Variants in EPG5 observed in about 807,000 individuals in gnomAD.
The protein encoded by EPG5 is ectopic P granules protein 5 homolog.
EPG5 carries 159 observed loss-of-function variants against 302.7 expected under a neutral mutation model. The observed-to-expected ratio is 0.53, with a 90% CI of 0.46 to 0.60. The LOEUF is 0.60. Ranked by LOEUF, EPG5 falls within the 20% of genes least tolerant of loss-of-function variation. EPG5 has a pLI of 0.00. For missense variants in EPG5, 2,896 were observed against 3,092.4 expected, an observed-to-expected ratio of 0.94 and a Z score of 1.51; for synonymous variants, 1,158 against 1,136.8, an observed-to-expected ratio of 1.02 and a Z score of -0.37.
intron 9 of EPG5, among the ~76,000 whole-genome samples, chr18:45,942,330 C>T (rs917679580): frequency 1.2e-4 from 18 of 152,150 alleles, no homozygotes; most frequent in African/African-American, 4.1e-4. Context: ...AGGCCAGGCA[C>T]GGTGGCTCAC....
intron 36 of EPG5, 139 bp from the exon 37 acceptor site, chr18:45,867,887 G>A (rs1268707523): frequency 4.1e-6 from 3 of 728,574 alleles, no homozygotes; most frequent in Non-Finnish European, 7.2e-6. Flanking sequence ...CCACCTCCTA[G>A]AGATTTAGAC....
the EPG5 span, among the ~76,000 whole-genome samples, chr18:45,818,732 C>CTTT: frequency 0.39 from 43,292 of 111,168 alleles, 9,896 homozygotes; most frequent in East Asian, 0.52. Context: ...TTTTGCATAA[C>CTTT]TTTTTTTTTT....
In EPG5 at chr18:45,967,218, G is replaced by A; in HGVS notation, c.22C>T (p.Gln8Ter). 1 of 1,605,434 alleles carries A rather than the reference G, an allele frequency of 6.2e-7. No homozygotes were observed. The highest frequency in any genetic ancestry group is 8.5e-7 in the Non-Finnish European group (1 of 1,176,280). The change falls in exon 1 of 44, where the codon CAG (glutamine) becomes TAG (stop). Residue 8 changes from glutamine (Q) to a stop codon, truncating the protein, a stop_gained. Transcript: ENST00000282041. LOFTEE classifies it high-confidence loss of function. MAEAVKP[Q>*]RRAKAKASRT... ...CTGGCCTTGGCCTTGGCCCGGCGCT[G>A]GGGCTTCACCGCCTCGGCCATAGAC... is the stretch of plus-strand genomic sequence containing the variant.
At chr18:45,888,198 C>T (rs1435097794) in intron 28 of EPG5, among the ~76,000 whole-genome samples, 1 of 151,146 alleles carries the variant, frequency 6.6e-6, no homozygotes, top group Non-Finnish European at 1.5e-5. Context: ...CTTCGCCTCC[C>T]GAGTTCAAGT....
Position 45,848,440 on chromosome 18 carries a change from A to T in EPG5, c.*4027T>A, listed in dbSNP as rs530064807. 6.6e-6 allele frequency: 1 copy of T among 152,244 alleles called. No homozygotes were observed. The highest frequency in any genetic ancestry group is 2.4e-5 in the African/African-American group (1 of 41,464). 9.4% of individuals were successfully genotyped at this position (152,244 alleles called of 1,614,324 possible). On this transcript the variant is annotated 3_prime_UTR_variant, in exon 44 of 44. Transcript: ENST00000282041. ...CTGAGGTCTGCAGTCTCAACTTGCC[A>T]CTAGCTTAATGTGCCTCCCATGGGG...
At chr18:45,954,322 G>C in intron 2 of EPG5, 72 bp downstream of exon 2, 1 of 1,384,788 alleles carries the variant, frequency 7.2e-7, no homozygotes, top group Non-Finnish European at 9.9e-7. Flanking sequence ...GTAAGGCACA[G>C]ACTCCAGACC....
chr18:45,922,661 T>C (rs1313063298), intron 15 of EPG5, 61 bp from the exon 16 acceptor site: 1 of 1,564,628 alleles, frequency 6.4e-7, no homozygotes, highest in Non-Finnish European at 8.7e-7. Flanking sequence ...AGTAAGCTCA[T>C]ACACTCATCT....
chr18:45,862,458 C>T (rs2048656103), intron 39 of EPG5, among the ~76,000 whole-genome samples: 1 of 152,112 alleles, frequency 6.6e-6, no homozygotes, highest in South Asian at 2.1e-4. Flanking sequence ...CATGTTGAAC[C>T]GTAGTCCCCA....
At chr18:45,943,704 G>T (rs778841418) in intron 8 of EPG5, among the ~76,000 whole-genome samples, 1 of 152,064 alleles carries the variant, frequency 6.6e-6, no homozygotes, top group Non-Finnish European at 1.5e-5. Flanking sequence ...GGCGGATCAC[G>T]AAGTCAGGAG....
chr18:45,832,970 C>T, the EPG5 span, among the ~76,000 whole-genome samples: 1 of 152,136 alleles, frequency 6.6e-6, no homozygotes, highest in South Asian at 2.1e-4. Context: ...ACAGGAAGCA[C>T]AAATCTCTTC....
chr18:45,821,244 C>G, the EPG5 span, among the ~76,000 whole-genome samples: 1 of 152,178 alleles, frequency 6.6e-6, no homozygotes, highest in African/African-American at 2.4e-5. Flanking sequence ...TTCCTGTGCT[C>G]TCTGAAGCAC....
intron 36 of EPG5, 73 bp from the exon 37 acceptor site, chr18:45,867,821 T>TAA: frequency 7.4e-7 from 1 of 1,346,430 alleles, no homozygotes; most frequent in South Asian, 1.4e-5. Context: ...ATGTAAATTG[T>TAA]TTCATAATTA....
chr18:45,813,466 C>T, the EPG5 span, among the ~76,000 whole-genome samples: 77 of 152,236 alleles, frequency 5.1e-4, no homozygotes, highest in African/African-American at 1.6e-3. Context: ...CACATGCACA[C>T]GTATGTTTAT....
chr18:45,941,998 C>G (rs1401370550), intron 9 of EPG5, among the ~76,000 whole-genome samples: 2 of 152,070 alleles, frequency 1.3e-5, no homozygotes, highest in Non-Finnish European at 2.9e-5. Flanking sequence ...CCAAGGCAGG[C>G]AGATCACTTG....
intron 17 of EPG5, chr18:45,916,876 A>G: frequency 5.0e-6 from 1 of 200,662 alleles, no homozygotes; most frequent in South Asian, 1.1e-4. Flanking sequence ...TCACTCCCCA[A>G]CTCCATGAAT....
At chr18:45,885,129 A>G (rs1442720572) in intron 29 of EPG5, among the ~76,000 whole-genome samples, 1 of 152,186 alleles carries the variant, frequency 6.6e-6, no homozygotes, top group Non-Finnish European at 1.5e-5. Flanking sequence ...ACCTGAGGTC[A>G]GGAGCTCAAG....
At chr18:45,882,019 C>T (rs2049109235) in intron 31 of EPG5, among the ~76,000 whole-genome samples, 1 of 152,210 alleles carries the variant, frequency 6.6e-6, no homozygotes, top group South Asian at 2.1e-4. Flanking sequence ...ACCTGCATGA[C>T]TGTGGACTCC....
At chr18:45,947,634 C>T (rs962369099) in intron 6 of EPG5, among the ~76,000 whole-genome samples, 5 of 152,142 alleles carry the variant, frequency 3.3e-5, no homozygotes, top group Non-Finnish European at 7.3e-5. Flanking sequence ...TACCAGCTCC[C>T]GCACACACCT....
At chr18:45,842,775 C>T (rs192671097), downstream of EPG5, 4 of 154,278 alleles carry the variant, frequency 2.6e-5, no homozygotes, top group African/African-American at 9.6e-5. Context: ...AGGGGCATGA[C>T]AGAACCCTCT....
Sources: allele counts gnomAD v4.1 joint callset (sites outside exome capture counted in the v4.1 genomes callset), GRCh38; gene constraint gnomAD v4.1.1; transcripts MANE v1.5; gene names NCBI Gene and HGNC (gene_info 2026-07-23, HGNC 2026-07-21).